AFM: variants seen among roughly 807,000 people sequenced by gnomAD.
The protein encoded by AFM is alpha-Alb.
AFM carries 82 observed loss-of-function variants against 68.7 expected under a neutral mutation model. The observed-to-expected ratio is 1.19, with a 90% CI of 1.00 to 1.43. The LOEUF is 1.43. Among genes scored for constraint, AFM ranks in the 40% most tolerant of loss-of-function variants. The probability of loss-of-function intolerance (pLI) is 0.00; values close to 1 mark genes in which losing one functional copy is unlikely to be tolerated. For missense variants in AFM, 772 were observed against 701.8 expected, an observed-to-expected ratio of 1.10 and a Z score of -1.13; for synonymous variants, 250 against 234.2, an observed-to-expected ratio of 1.07 and a Z score of -0.61.
At chr4:73,497,863 C>A in intron 10 of AFM, 114 bp downstream of exon 10, 3 of 548,128 alleles carry the variant, frequency 5.5e-6, no homozygotes, top group Non-Finnish European at 9.1e-6. Context: ...TTCATAAACT[C>A]TTGGAAGAAT....
At chr4:73,499,046 C>A in intron 10 of AFM, 68 bp from the exon 11 acceptor site, 1 of 1,545,548 alleles carries the variant, frequency 6.5e-7, no homozygotes. Context: ...GTCTGGGCTT[C>A]AGCAGTAATT....
chr4:73,499,712 T>C (rs1721373107), intron 11 of AFM, among the ~76,000 whole-genome samples: 1 of 152,174 alleles, frequency 6.6e-6, no homozygotes, highest in African/African-American at 2.4e-5. Flanking sequence ...TGATCGCCCC[T>C]TTCAGTTGGC....
chr4:73,499,275 C>CT (rs67050083), intron 11 of AFM, 29 bp downstream of exon 11: 89,025 of 1,183,862 alleles, frequency 0.075, 82 homozygotes, highest in Non-Finnish European at 0.083. Context: ...CCAGACTACT[C>CT]TTTTTTTTTT....
chr4:73,497,373 C>A (rs900741255), intron 9 of AFM, among the ~76,000 whole-genome samples: 5 of 152,050 alleles, frequency 3.3e-5, no homozygotes, highest in African/African-American at 4.8e-5. Context: ...TTTCAACATA[C>A]AATTTAAATT....
intron 7 of AFM, among the ~76,000 whole-genome samples, chr4:73,489,377 TATG>T (rs1424500051): frequency 6.6e-6 from 1 of 152,182 alleles, no homozygotes; most frequent in Non-Finnish European, 1.5e-5. Context: ...ACATGATATA[TATG>T]TATGTGTATA....
At chr4:73,503,340 A>G (rs1481670142) in intron 14 of AFM, among the ~76,000 whole-genome samples, 1 of 152,066 alleles carries the variant, frequency 6.6e-6, no homozygotes, top group Admixed American at 6.6e-5. Context: ...CTGTTCAATC[A>G]GTTTTCTAGA....
intron 1 of AFM, 104 bp downstream of exon 1, chr4:73,481,967 A>T: frequency 1.3e-6 from 1 of 793,412 alleles, no homozygotes. Context: ...TGCTTTTTTC[A>T]CCCTCTCACT....
At position 73,487,029 on chromosome 4, in the gene AFM, C is replaced by T; in HGVS notation, c.545C>T (p.Ala182Val). 6.2e-7 allele frequency: 1 copy of T among 1,613,930 alleles called. No homozygotes were observed. The highest frequency in any genetic ancestry group is 8.5e-7 in the Non-Finnish European group (1 of 1,179,930). ...FVFAPTLLTV[A>V]VHFEEVAKSC... is the part of the protein sequence containing the mutation. ...TTCGCCCCTACACTTCTAACTGTTG[C>T]TGTTCATTTTGAGGAGGTGGCCAAA... Residue 182 changes from alanine (A) to valine (V), a missense_variant, in exon 5 of 15, where the codon GCT becomes GTT. Coordinates refer to ENST00000226355, the MANE Select transcript of AFM (RefSeq NM_001133.2).
intron 10 of AFM, among the ~76,000 whole-genome samples, 168 bp downstream of exon 10, chr4:73,497,917 C>T (rs147299081): frequency 6.6e-6 from 1 of 152,242 alleles, no homozygotes; most frequent in African/African-American, 2.4e-5. Flanking sequence ...TCACATTAAT[C>T]TTTTATCAGA....
chr4:73,490,311 A>T (rs1721036239), intron 7 of AFM, among the ~76,000 whole-genome samples: 1 of 152,206 alleles, frequency 6.6e-6, no homozygotes, highest in African/African-American at 2.4e-5. Flanking sequence ...AATGGACAAC[A>T]GATGTTCCCA....
rs763717194 is a variant in AFM, at chr4:73,491,865, G to C, written c.844-7G>C. On this transcript the variant is annotated splice_region_variant and splice_polypyrimidine_tract_variant and intron_variant, in intron 7 of 14. Transcript: ENST00000226355. ...GTAAAATAATCTCTCATTCTTATTT[G>C]GTACAGAGCAAGGTTATGAACCATA... The C allele has an allele frequency of 6.2e-7, 1 of 1,605,106 alleles. No individual in the cohort carries two copies. Among genetic ancestry groups the C allele is most frequent in the Non-Finnish European group, 8.5e-7 (1 of 1,175,330 alleles).
Position 73,486,164 on chromosome 4 carries a change from A to G in AFM, c.482+91A>G, listed in dbSNP as rs564326208. ...ATCTCAAATAAATATGGCTGGGTTC[A>G]TTAATTTATTGATTAATTGTTTCAT... On this transcript the variant is annotated intron_variant, in intron 4 of 14. Coordinates refer to ENST00000226355, the MANE Select transcript of AFM (RefSeq NM_001133.2). 3.8e-6 allele frequency: 4 copies of G among 1,049,760 alleles called. No homozygotes were observed. The Admixed American group carries it at 7.2e-5, about 19-fold the overall frequency. The allele number at this position is 1,049,760 out of a possible 1,614,324, so 65.0% of individuals were successfully genotyped here. A position where few individuals can be genotyped will look rare whatever the true frequency, so the allele number is the denominator to read the frequency against.
intron 10 of AFM, among the ~76,000 whole-genome samples, chr4:73,498,169 C>T (rs1231537640): frequency 2.0e-5 from 3 of 152,122 alleles, no homozygotes; most frequent in Non-Finnish European, 4.4e-5. Flanking sequence ...ATGTGTTTAA[C>T]ACTTTAATAT....
chr4:73,494,302 A>T (rs145675582), intron 8 of AFM, among the ~76,000 whole-genome samples: 514 of 152,182 alleles, frequency 3.4e-3, no homozygotes, highest in Non-Finnish European at 5.7e-3. Flanking sequence ...TGGGGAGGGG[A>T]TGAAAAGAGT....
chr4:73,503,061 T>G lies in AFM; in HGVS notation c.1791T>G (p.Ile597Met), dbSNP rs1395499212. Residue 597 changes from isoleucine (I) to methionine (M), a missense_variant, in exon 14 of 15, where the codon ATT becomes ATG. Ile to Met is a conservative substitution (Grantham distance 10). Coordinates refer to ENST00000226355, the MANE Select transcript of AFM (RefSeq NM_001133.2). ...EVCFNEESPK[I>M]GN Reference sequence around the variant, plus strand: ...ATCCCTCACCTCAGAGTCCAAAAATTGGCAACTGAAGCCAGCTGCTGGAGA... The same window carrying G: ...ATCCCTCACCTCAGAGTCCAAAAATGGGCAACTGAAGCCAGCTGCTGGAGA... 1.9e-6 allele frequency: 3 copies of G among 1,613,276 alleles called. No homozygotes were observed. Among genetic ancestry groups the G allele is most frequent in the East Asian group, 2.2e-5 (1 of 44,860 alleles).
chr4:73,498,554 A>G (rs1721323898), intron 10 of AFM, among the ~76,000 whole-genome samples: 1 of 152,212 alleles, frequency 6.6e-6, no homozygotes, highest in Admixed American at 6.5e-5. Flanking sequence ...TGCTGGGATT[A>G]CAGGTGTGAG....
intron 10 of AFM, among the ~76,000 whole-genome samples, chr4:73,498,332 C>T (rs1721316126): frequency 6.6e-6 from 1 of 152,006 alleles, no homozygotes; most frequent in South Asian, 2.1e-4. Context: ...GTCACCCAGG[C>T]TGGAGTGCAG....
At chr4:73,487,487 G>A (rs1411362155) in intron 5 of AFM, among the ~76,000 whole-genome samples, 2 of 152,128 alleles carry the variant, frequency 1.3e-5, no homozygotes, top group Admixed American at 1.3e-4. Flanking sequence ...CCCACCAAGG[G>A]AGCACTTATG....
At chr4:73,491,620 T>C (rs1002874747) in intron 7 of AFM, among the ~76,000 whole-genome samples, 2 of 152,232 alleles carry the variant, frequency 1.3e-5, no homozygotes, top group African/African-American at 4.8e-5. Context: ...TAATGCTTAA[T>C]AATGGATGTG....
Sources: gnomAD v4.1 joint callset for allele counts (sites outside exome capture counted in the v4.1 genomes callset) on GRCh38, gnomAD v4.1.1 for gene constraint, MANE v1.5 for transcripts, NCBI Gene and HGNC (gene_info 2026-07-23, HGNC 2026-07-21) for gene names.